ROCK1: variants seen among roughly 807,000 people sequenced by gnomAD.
ROCK1 encodes the protein Rho associated coiled-coil containing protein kinase 1, also known as rho-associated protein kinase 1.
A neutral mutation model predicts 196.8 loss-of-function variants in ROCK1; 36 were observed. The observed-to-expected ratio is 0.18, with a 90% CI of 0.14 to 0.24. ROCK1 has a LOEUF of 0.24. Ranked by LOEUF, ROCK1 falls within the 10% of genes least tolerant of loss-of-function variation. The pLI is 1.00. For missense variants in ROCK1, 920 were observed against 1,562.0 expected, an observed-to-expected ratio of 0.59 and a Z score of 6.93; for synonymous variants, 443 against 515.9, an observed-to-expected ratio of 0.86 and a Z score of 1.91.
chr18:20,980,134 T>TATTTGCATTTGTCATG, intron 21 of ROCK1, 130 bp from the exon 22 acceptor site: 2 of 1,116,928 alleles, frequency 1.8e-6, no homozygotes, highest in Non-Finnish European at 1.2e-6. Context: ...CCATGACAAA[T>TATTTGCATTTGTCATG]GCAAATATAT....
Position 20,963,343 on chromosome 18 carries a change from CCA to C in ROCK1, c.3353-3139_3353-3138del, listed in dbSNP as rs200726738. On this transcript the variant is annotated intron_variant, in intron 27 of 32. Transcript: ENST00000399799. ...AGACTACCTAATTTATTTAGCTATA[CCA>C]CAAACATACTGCTTAAGAAACAGGG... Among the ~76,000 whole-genome samples, 419 of 152,056 alleles carry C rather than the reference CCA, an allele frequency of 2.8e-3. 7 individuals are homozygous for C. The highest frequency in any genetic ancestry group is 0.023 in the Admixed American group (353 of 15,264).
chr18:21,030,491 G>A (rs1465279330), intron 9 of ROCK1, among the ~76,000 whole-genome samples: 1 of 152,166 alleles, frequency 6.6e-6, no homozygotes, highest in Non-Finnish European at 1.5e-5. Context: ...AGAGAACAGA[G>A]TAAGTGTGCT....
Position 21,023,678 on chromosome 18 carries a change from T to C in ROCK1, c.1214A>G (p.Tyr405Cys). Residue 405 changes from tyrosine (Y) to cysteine (C), a missense_variant and splice_region_variant, in exon 11 of 33, where the codon TAC (tyrosine) becomes TGC (cysteine). Tyr to Cys is a radical substitution (Grantham distance 194, BLOSUM62 -2). Coordinates refer to ENST00000399799, the MANE Select transcript of ROCK1 (RefSeq NM_005406.3). Reference sequence around the variant, plus strand: ...ATCATTAGGATTTGCTGAAGATAAGTATCTGAGGGAAAGAAAAGTTTAAAA... The same window carrying C: ...ATCATTAGGATTTGCTGAAGATAAGCATCTGAGGGAAAGAAAAGTTTAAAA... ...VGFTYYSNRR[Y>C]LSSANPNDNR... is the part of the protein sequence containing the mutation. 2 of 1,556,100 alleles carry C rather than the reference T, an allele frequency of 1.3e-6. No homozygotes were observed. The highest frequency in any genetic ancestry group is 1.7e-6 in the Non-Finnish European group (2 of 1,146,440).
At chr18:20,984,992 T>C (rs2035565395) in intron 19 of ROCK1, among the ~76,000 whole-genome samples, 1 of 151,874 alleles carries the variant, frequency 6.6e-6, no homozygotes. Context: ...TACACTCCTG[T>C]AGTCCCAGCT....
intron 16 of ROCK1, among the ~76,000 whole-genome samples, chr18:21,000,312 G>C (rs1350056909): frequency 6.6e-6 from 1 of 151,842 alleles, no homozygotes; most frequent in Non-Finnish European, 1.5e-5. Flanking sequence ...GCCCATGCTG[G>C]AGTGCAATGG....
At chr18:21,061,653 T>C (rs1371677409) in intron 2 of ROCK1, among the ~76,000 whole-genome samples, 1 of 152,186 alleles carries the variant, frequency 6.6e-6, no homozygotes, top group Non-Finnish European at 1.5e-5. Context: ...GAATCCAGAT[T>C]CTAACAAATG....
chr18:20,953,913 C>T, intron 31 of ROCK1, 128 bp from the exon 32 acceptor site: 1 of 520,628 alleles, frequency 1.9e-6, no homozygotes, highest in Non-Finnish European at 3.3e-6. Context: ...TAAGCATGAA[C>T]AATATCTCAT....
intron 22 of ROCK1, among the ~76,000 whole-genome samples, chr18:20,977,837 A>G (rs929323972): frequency 3.3e-5 from 5 of 152,338 alleles, no homozygotes; most frequent in Admixed American, 2.6e-4. Flanking sequence ...CACTGTGAAT[A>G]CCACACAAAT....
intron 21 of ROCK1, among the ~76,000 whole-genome samples, chr18:20,981,881 C>T (rs2143388634): frequency 6.6e-6 from 1 of 152,140 alleles, no homozygotes; most frequent in Middle Eastern, 3.4e-3. Context: ...ATAAGTAAAT[C>T]AATGAAGGGA....
At chr18:21,088,650 GA>G (rs1368204251) in intron 1 of ROCK1, among the ~76,000 whole-genome samples, 2 of 152,176 alleles carry the variant, frequency 1.3e-5, no homozygotes, top group African/African-American at 4.8e-5. Flanking sequence ...AATCCCCAGA[GA>G]AACAGTGTTA....
At chr18:21,020,001 C>G (rs1427223882) in intron 12 of ROCK1, 150 bp downstream of exon 12, 4 of 424,652 alleles carry the variant, frequency 9.4e-6, no homozygotes, top group African/African-American at 4.2e-5. Context: ...CTTCTCAATT[C>G]TAGCCGAGAC....
intron 10 of ROCK1, among the ~76,000 whole-genome samples, chr18:21,027,750 A>ATTTTT (rs751964514): frequency 1.3e-4 from 12 of 95,320 alleles, no homozygotes; most frequent in African/African-American, 2.7e-4. Flanking sequence ...GAATCACTTA[A>ATTTTT]TTTTTTTTTT....
intron 29 of ROCK1, among the ~76,000 whole-genome samples, chr18:20,956,939 G>A (rs1414094939): frequency 6.6e-6 from 1 of 152,118 alleles, no homozygotes; most frequent in Non-Finnish European, 1.5e-5. Flanking sequence ...TAGTTATGAG[G>A]AGAATGCAAA....
intron 6 of ROCK1, among the ~76,000 whole-genome samples, chr18:21,043,510 GTTAT>G (rs1598540860): frequency 6.8e-6 from 1 of 146,356 alleles, no homozygotes; most frequent in Non-Finnish European, 1.5e-5. Context: ...CTGTGTATAT[GTTAT>G]TTATTATATA....
intron 9 of ROCK1, among the ~76,000 whole-genome samples, chr18:21,032,596 C>T (rs1391622824): frequency 6.7e-6 from 1 of 149,492 alleles, no homozygotes; most frequent in Admixed American, 6.7e-5. Flanking sequence ...TCTCAGCTCA[C>T]TATAACCTGT....
At chr18:21,085,052 T>C (rs2036514631) in intron 1 of ROCK1, among the ~76,000 whole-genome samples, 1 of 152,116 alleles carries the variant, frequency 6.6e-6, no homozygotes, top group Admixed American at 6.5e-5. Flanking sequence ...ATGGCAAATT[T>C]ACAGAAACAG....
intron 1 of ROCK1, among the ~76,000 whole-genome samples, chr18:21,096,201 G>A (rs1598561721): frequency 6.6e-6 from 1 of 151,166 alleles, no homozygotes; most frequent in South Asian, 2.1e-4. Context: ...TTTTGTCTAC[G>A]AATTTTTTTT....
In ROCK1 at chr18:21,111,047, C is replaced by G. The variant is rs1433273850; in HGVS notation, c.-137G>C. The G allele has an allele frequency of 1.5e-6, 1 of 665,234 alleles. No homozygotes were observed. Among genetic ancestry groups the G allele is most frequent in the Non-Finnish European group, 2.6e-6 (1 of 379,590 alleles). The allele number at this position is 665,234 out of a possible 1,614,324, so 41.2% of individuals were successfully genotyped here. On this transcript the variant is annotated 5_prime_UTR_variant, in exon 1 of 33. Coordinates refer to ENST00000399799, the MANE Select transcript of ROCK1 (RefSeq NM_005406.3). This position sits in a 1 kb window ranked among gnomAD's most constrained non-coding sequence, Gnocchi z 4.2. ...AGGGTCACCAGGTGCGCCCGGTTCC[C>G]CCGTCTTCCCCTCACTGAGGGGACC...
chr18:20,987,025 C>A lies in ROCK1; in HGVS notation c.2229G>T (p.Met743Ile). ...RVVQIEKQCS[M>I]LDVDLKQSQQ... Reference sequence around the variant, plus strand: ...GAGATTGCTTCAGATCAACGTCTAGCATGGAACACTGTTTCTCAATCTGAA... The same window carrying A: ...GAGATTGCTTCAGATCAACGTCTAGAATGGAACACTGTTTCTCAATCTGAA... The change falls in exon 19 of 33, where the codon ATG (methionine) becomes ATT (isoleucine). Residue 743 changes from methionine to isoleucine, a missense_variant. Coordinates refer to ENST00000399799, the MANE Select transcript of ROCK1 (RefSeq NM_005406.3). 1.2e-6 allele frequency: 2 copies of A among 1,612,588 alleles called. No homozygotes were observed. The highest frequency in any genetic ancestry group is 2.2e-5 in the South Asian group (2 of 90,524).
Sources: allele counts gnomAD v4.1 joint callset (sites outside exome capture counted in the v4.1 genomes callset), GRCh38; gene constraint gnomAD v4.1.1; non-coding constraint Gnocchi (gnomAD v3.1); transcripts MANE v1.5; gene names NCBI Gene and HGNC (gene_info 2026-07-23, HGNC 2026-07-21).